Variants in EPB41L4B observed in about 807,000 individuals in gnomAD.
The protein encoded by EPB41L4B is band 4.1-like protein 4B.
A neutral mutation model predicts 112.5 loss-of-function variants in EPB41L4B; 30 were observed. The ratio of observed to expected loss-of-function variants is 0.27; its 90% CI spans 0.20 to 0.36. The LOEUF is 0.36. EPB41L4B is among the 10% of genes least tolerant of loss of function. The probability of loss-of-function intolerance (pLI) is 1.00; values close to 1 mark genes in which losing one functional copy is unlikely to be tolerated. For synonymous variants in EPB41L4B, 408 were observed against 439.7 expected (o/e 0.93, Z 0.90); for missense variants, 1,024 against 1,133.3 (o/e 0.90, Z 1.38).
intron 4 of EPB41L4B, 21 bp downstream of exon 4, chr9:109,267,452 T>C: frequency 3.2e-6 from 5 of 1,567,078 alleles, no homozygotes; most frequent in East Asian, 2.2e-5. Context: ...GGGCGGGAGC[T>C]TGTTCTGCAT....
At chr9:109,234,177 G>T (rs190244594) in intron 15 of EPB41L4B, among the ~76,000 whole-genome samples, 41 of 152,160 alleles carry the variant, frequency 2.7e-4, no homozygotes, top group African/African-American at 9.2e-4. Flanking sequence ...ATTGCTGGGG[G>T]TGTCTGTGAG....
At chr9:109,249,663 G>T (rs896993891) in intron 13 of EPB41L4B, among the ~76,000 whole-genome samples, 3 of 152,066 alleles carry the variant, frequency 2.0e-5, no homozygotes, top group Non-Finnish European at 4.4e-5. Context: ...AAGCCCCAGA[G>T]AATTAAAAGC....
At chr9:109,204,557 T>C (rs1235573998) in intron 18 of EPB41L4B, among the ~76,000 whole-genome samples, 1 of 152,158 alleles carries the variant, frequency 6.6e-6, no homozygotes, top group Non-Finnish European at 1.5e-5. Flanking sequence ...AGCAGCACGA[T>C]CATGGCTCAC....
intron 18 of EPB41L4B, 87 bp downstream of exon 18, chr9:109,207,837 T>C: frequency 6.5e-7 from 1 of 1,539,816 alleles, no homozygotes. Context: ...TGACACAGCA[T>C]CTCAGTCCTA....
chr9:109,211,679 C>T (rs1256064047), intron 17 of EPB41L4B, among the ~76,000 whole-genome samples: 1 of 149,812 alleles, frequency 6.7e-6, no homozygotes, highest in Non-Finnish European at 1.5e-5. Flanking sequence ...TGTATAATCA[C>T]ATCACTCTAG....
At chr9:109,179,327 C>T (rs754266048) in intron 24 of EPB41L4B, among the ~76,000 whole-genome samples, 36 of 152,368 alleles carry the variant, frequency 2.4e-4, no homozygotes, top group Middle Eastern at 3.4e-3. Context: ...CAACCCCTGT[C>T]ACTGTCGCCA....
intron 24 of EPB41L4B, among the ~76,000 whole-genome samples, chr9:109,181,163 TTTATTA>T (rs139024730): frequency 0.017 from 2,591 of 151,834 alleles, 71 homozygotes; most frequent in African/African-American, 0.06. Context: ...AGGCAGCTAA[TTTATTA>T]TTATTATTAT....
intron 25 of EPB41L4B, among the ~76,000 whole-genome samples, chr9:109,174,912 G>GTTTTTTTTTTTTT: frequency 1.3e-5 from 1 of 74,530 alleles, no homozygotes; most frequent in Non-Finnish European, 2.4e-5. Context: ...TCAGTAAAGT[G>GTTTTTTTTTTTTT]TTTTTTTTTT....
chr9:109,279,028 A>G (rs1656815029), intron 2 of EPB41L4B, among the ~76,000 whole-genome samples: 1 of 152,152 alleles, frequency 6.6e-6, no homozygotes. Context: ...GGCAACAGCA[A>G]GACCTGCTCC....
intron 2 of EPB41L4B, among the ~76,000 whole-genome samples, chr9:109,275,186 C>G (rs900143311): frequency 2.6e-5 from 4 of 152,212 alleles, no homozygotes; most frequent in Admixed American, 2.0e-4. Flanking sequence ...CTATGGAAAC[C>G]AGGCGTGGTT....
chr9:109,296,871 CAAAAAA>C (rs748065925), intron 1 of EPB41L4B, among the ~76,000 whole-genome samples: 1 of 69,470 alleles, frequency 1.4e-5, no homozygotes, highest in African/African-American at 5.1e-5. Flanking sequence ...GGCCATGTCT[CAAAAAA>C]AAAAAAAAAA....
At position 109,226,742 on chromosome 9, in the gene EPB41L4B, T is replaced by TATATATATATGAATATATATATGAAGA. The variant is rs1833788977; in HGVS notation, c.1410-9598_1410-9597insTCTTCATATATATATTCATATATATAT. Among the ~76,000 whole-genome samples the TATATATATATGAATATATATATGAAGA allele has an allele frequency of 5.1e-5, 5 of 97,406 alleles. No homozygotes were observed. In the East Asian group the frequency reaches 1.5e-3, roughly 29 times the overall value. 63.9% of individuals were successfully genotyped at this position (97,406 alleles called of 152,430 possible). ...ATATATGAAGTATATATATGAAGAATATATATATGAAGAATATATATATAT... is the reference window on the plus strand; with the variant it reads ...ATATATGAAGTATATATATGAAGAATATATATATATGAATATATATATGAAGAATATATATGAAGAATATATATATAT... On this transcript the variant is annotated intron_variant, in intron 15 of 25. Transcript: ENST00000374566.
chr9:109,312,776 A>G (rs573374177), intron 1 of EPB41L4B, among the ~76,000 whole-genome samples: 1 of 152,330 alleles, frequency 6.6e-6, no homozygotes, highest in East Asian at 1.9e-4. Flanking sequence ...AGATCCAGGC[A>G]TACAGCCAGA....
At chr9:109,268,896 C>CAAAAAAA (rs55646924) in intron 2 of EPB41L4B, among the ~76,000 whole-genome samples, 3 of 106,754 alleles carry the variant, frequency 2.8e-5, no homozygotes, top group Non-Finnish European at 5.4e-5. Flanking sequence ...AACTCCGTCT[C>CAAAAAAA]AAAAAAAAAA....
At chr9:109,185,032 T>C (rs1200722887) in intron 23 of EPB41L4B, among the ~76,000 whole-genome samples, 1 of 152,102 alleles carries the variant, frequency 6.6e-6, no homozygotes, top group East Asian at 1.9e-4. Flanking sequence ...TATGTAAAAA[T>C]GACAAAAAAT....
intron 1 of EPB41L4B, among the ~76,000 whole-genome samples, chr9:109,290,788 C>G (rs567438984): frequency 1.3e-5 from 2 of 151,652 alleles, no homozygotes; most frequent in South Asian, 4.2e-4. Context: ...ACACACCCCC[C>G]ACCAAGTGGC....
chr9:109,216,731 A>G (rs1218125955), intron 16 of EPB41L4B, among the ~76,000 whole-genome samples, 191 bp downstream of exon 16: 3 of 152,146 alleles, frequency 2.0e-5, no homozygotes, highest in Non-Finnish European at 4.4e-5. Context: ...CTGGTAAACC[A>G]TAATCCCTAA....
intron 6 of EPB41L4B, among the ~76,000 whole-genome samples, chr9:109,260,359 C>T (rs1835152792): frequency 6.6e-6 from 1 of 151,842 alleles, no homozygotes; most frequent in Non-Finnish European, 1.5e-5. Flanking sequence ...CATGAGCCAC[C>T]ATGCCCAGCC....
At chr9:109,268,571 C>T in intron 2 of EPB41L4B, 138 bp from the exon 3 acceptor site, 1 of 728,386 alleles carries the variant, frequency 1.4e-6, no homozygotes, top group Non-Finnish European at 2.2e-6. Flanking sequence ...GGTTCTTAGG[C>T]TGGGAATCTG....
Sources: gnomAD v4.1 joint callset for allele counts (sites outside exome capture counted in the v4.1 genomes callset) on GRCh38, gnomAD v4.1.1 for gene constraint, MANE v1.5 for transcripts, NCBI Gene and HGNC (gene_info 2026-07-23, HGNC 2026-07-21) for gene names.